Variants in TAS2R1 observed in about 807,000 individuals in gnomAD.
TAS2R1 encodes taste receptor type 2 member 1.
For missense variants in TAS2R1, 370 were observed against 353.4 expected, an observed-to-expected ratio of 1.05 and a Z score of -0.38; for synonymous variants, 141 against 134.2, an observed-to-expected ratio of 1.05 and a Z score of -0.35.
chr5:9,783,434 G>A, the TAS2R1 span, among the ~76,000 whole-genome samples: 1 of 152,202 alleles, frequency 6.6e-6, no homozygotes, highest in Admixed American at 6.5e-5. Context: ...CCTCCCTGCA[G>A]AACCAGATGG....
At chr5:9,841,828 T>C in the TAS2R1 span, among the ~76,000 whole-genome samples, 2 of 152,354 alleles carry the variant, frequency 1.3e-5, no homozygotes, top group African/African-American at 4.8e-5. Flanking sequence ...CATGGGATTC[T>C]CTAAACTTGA....
chr5:9,650,391 C>CATTTTCT, intron 2 of TAS2R1, among the ~76,000 whole-genome samples: 1 of 152,066 alleles, frequency 6.6e-6, no homozygotes, highest in South Asian at 2.1e-4. Flanking sequence ...GTGTGTGGTG[C>CATTTTCT]ATTTTCTATA....
chr5:9,852,047 T>C, the TAS2R1 span, among the ~76,000 whole-genome samples: 1 of 152,204 alleles, frequency 6.6e-6, no homozygotes, highest in African/African-American at 2.4e-5. Context: ...AGAAGGGCTA[T>C]CTCACTGTGA....
chr5:9,712,654 G>T (rs550457679), upstream of TAS2R1, among the ~76,000 whole-genome samples: 2 of 152,180 alleles, frequency 1.3e-5, no homozygotes, highest in African/African-American at 4.8e-5. Flanking sequence ...CAGCCTGCTG[G>T]CTTGTCCAAC....
At chr5:9,881,760 G>T in the TAS2R1 span, among the ~76,000 whole-genome samples, 7 of 152,174 alleles carry the variant, frequency 4.6e-5, no homozygotes, top group African/African-American at 1.7e-4. Flanking sequence ...AATGAAGAAA[G>T]GATTTCCTAT....
At chr5:9,872,138 C>T in the TAS2R1 span, among the ~76,000 whole-genome samples, 2 of 152,174 alleles carry the variant, frequency 1.3e-5, no homozygotes, top group South Asian at 4.2e-4. Flanking sequence ...TAAACTTTTG[C>T]TTTTATGGTA....
chr5:9,848,472 G>T, the TAS2R1 span, among the ~76,000 whole-genome samples: 1 of 152,036 alleles, frequency 6.6e-6, no homozygotes, highest in Non-Finnish European at 1.5e-5. Context: ...CCAAATTAAG[G>T]GTATGAAGTT....
chr5:9,777,322 G>C, the TAS2R1 span, among the ~76,000 whole-genome samples: 7,460 of 152,322 alleles, frequency 0.049, 323 homozygotes, highest in East Asian at 0.15. Context: ...TAAGTCTTTT[G>C]TGGTTGTTTC....
intron 2 of TAS2R1, among the ~76,000 whole-genome samples, chr5:9,651,415 C>G (rs1285396934): frequency 1.3e-5 from 2 of 151,988 alleles, no homozygotes; most frequent in Non-Finnish European, 2.9e-5. Flanking sequence ...AAAAGACTTT[C>G]CAGAAGAAAA....
chr5:9,828,902 C>T, the TAS2R1 span, among the ~76,000 whole-genome samples: 1 of 152,256 alleles, frequency 6.6e-6, no homozygotes, highest in South Asian at 2.1e-4. Context: ...CAAAATAAGA[C>T]AAAACTTTTT....
At chr5:9,880,702 A>T in the TAS2R1 span, among the ~76,000 whole-genome samples, 1 of 152,218 alleles carries the variant, frequency 6.6e-6, no homozygotes, top group African/African-American at 2.4e-5. Flanking sequence ...CCATGTAGAC[A>T]ACAACAGACG....
At chr5:9,758,571 G>A in the TAS2R1 span, among the ~76,000 whole-genome samples, 1 of 152,158 alleles carries the variant, frequency 6.6e-6, no homozygotes, top group Non-Finnish European at 1.5e-5. Flanking sequence ...CACCTATAGA[G>A]ATCAACAAAT....
At chr5:9,675,159 T>G (rs370626) in intron 1 of TAS2R1, among the ~76,000 whole-genome samples, 76,666 of 148,750 alleles carry the variant, frequency 0.52, 21,196 homozygotes, top group Non-Finnish European at 0.64. Context: ...CAGAAAACTC[T>G]GATGAAATAA....
chr5:9,684,111 C>A (rs1271628991), intron 1 of TAS2R1, among the ~76,000 whole-genome samples: 1 of 152,150 alleles, frequency 6.6e-6, no homozygotes, highest in Non-Finnish European at 1.5e-5. Flanking sequence ...ATGTTTATTG[C>A]AGCACTATTC....
At chr5:9,689,046 A>T (rs569935806) in intron 1 of TAS2R1, among the ~76,000 whole-genome samples, 1 of 152,180 alleles carries the variant, frequency 6.6e-6, no homozygotes, top group South Asian at 2.1e-4. Context: ...TAAAGGCTCC[A>T]GAGAACTCAC....
chr5:9,754,920 G>A, the TAS2R1 span, among the ~76,000 whole-genome samples: 7 of 152,198 alleles, frequency 4.6e-5, no homozygotes, highest in Non-Finnish European at 8.8e-5. Context: ...AACCAAAAAA[G>A]AGCCCGCATT....
rs183440235 is a variant in TAS2R1 at position 9,686,389 on chromosome 5, C to T, written c.-242+25783G>A. 1.5e-3 allele frequency among the ~76,000 whole-genome samples: 234 copies of T among 152,254 alleles called. 2 individuals carry two copies. Among genetic ancestry groups the T allele is most frequent in the African/African-American group, 5.4e-3 (226 of 41,546 alleles). On this transcript the variant is annotated intron_variant, in intron 1 of 2. Transcript: ENST00000506620. Reference sequence around the variant, plus strand: ...TGGTCTAGCAATAAGAATGTTATCCCTCGGCATTTCTCAGGGAGTTAGTCA... The same window carrying T: ...TGGTCTAGCAATAAGAATGTTATCCTTCGGCATTTCTCAGGGAGTTAGTCA...
chr5:9,646,512 G>T (rs1385948256), intron 2 of TAS2R1, among the ~76,000 whole-genome samples: 2 of 152,154 alleles, frequency 1.3e-5, no homozygotes, highest in Non-Finnish European at 2.9e-5. Context: ...TGCCATTTCT[G>T]CCCTGGTCCA....
chr5:9,894,029 T>A, the TAS2R1 span, among the ~76,000 whole-genome samples: 2 of 152,176 alleles, frequency 1.3e-5, no homozygotes, highest in Non-Finnish European at 2.9e-5. Flanking sequence ...TGTTTGGACA[T>A]GAGGTCTTTA....
Sources: allele counts gnomAD v4.1 joint callset (sites outside exome capture counted in the v4.1 genomes callset), GRCh38; gene constraint gnomAD v4.1.1; transcripts MANE v1.5; gene names NCBI Gene and HGNC (gene_info 2026-07-23, HGNC 2026-07-21).